DNAH6: variants seen among roughly 807,000 people sequenced by gnomAD.
DNAH6 encodes axonemal beta dynein heavy chain 6.
DNAH6 carries 340 observed loss-of-function variants against 491.4 expected under a neutral mutation model. The observed-to-expected ratio is 0.69, with a 90% CI of 0.63 to 0.76. The LOEUF is 0.76. DNAH6 is among the 30% of genes least tolerant of loss of function. DNAH6 has a pLI of 0.00. For synonymous variants in DNAH6, 1,603 were observed against 1,686.1 expected (o/e 0.95, Z 1.21); for missense variants, 4,443 against 4,972.2 (o/e 0.89, Z 3.20).
At chr2:84,782,923 A>G (rs1181728333) in intron 65 of DNAH6, among the ~76,000 whole-genome samples, 1 of 152,202 alleles carries the variant, frequency 6.6e-6, no homozygotes, top group Non-Finnish European at 1.5e-5. Context: ...AACATTTGCC[A>G]GTTCTTCAAG....
At chr2:84,644,539 A>G (rs1196199445) in intron 33 of DNAH6, among the ~76,000 whole-genome samples, 1 of 152,060 alleles carries the variant, frequency 6.6e-6, no homozygotes, top group African/African-American at 2.4e-5. Flanking sequence ...CCCATCACCC[A>G]GGCATTCAGC....
chr2:84,538,986 T>C (rs1383080451), intron 4 of DNAH6, among the ~76,000 whole-genome samples: 2 of 152,074 alleles, frequency 1.3e-5, no homozygotes, highest in African/African-American at 4.8e-5. Flanking sequence ...AAAAAAACTT[T>C]AGAATTAGGT....
intron 45 of DNAH6, among the ~76,000 whole-genome samples, chr2:84,689,981 C>A (rs1217461631): frequency 7.9e-5 from 12 of 152,214 alleles, no homozygotes; most frequent in Non-Finnish European, 1.6e-4. Context: ...CCACATCTTT[C>A]TTATTGCGTG....
chr2:84,514,401 T>A (rs1675452857), upstream of DNAH6, among the ~76,000 whole-genome samples: 1 of 152,204 alleles, frequency 6.6e-6, no homozygotes, highest in African/African-American at 2.4e-5. Flanking sequence ...TAATAATACC[T>A]CTAACATAAG....
chr2:84,602,885 G>A (rs1221759414), intron 18 of DNAH6, among the ~76,000 whole-genome samples: 1 of 144,794 alleles, frequency 6.9e-6, no homozygotes, highest in Non-Finnish European at 1.5e-5. Flanking sequence ...CATTCATTCC[G>A]TGGCTGTGTT....
chr2:84,544,174 A>C (rs1573560055), intron 4 of DNAH6, 59 bp from the exon 5 acceptor site: 1 of 906,378 alleles, frequency 1.1e-6, no homozygotes, highest in Non-Finnish European at 1.6e-6. Flanking sequence ...AAGCAATGCA[A>C]TTGCTTCATT....
intron 62 of DNAH6, 34 bp from the exon 63 acceptor site, chr2:84,745,046 T>C: frequency 7.5e-7 from 1 of 1,333,058 alleles, no homozygotes; most frequent in Non-Finnish European, 1.0e-6. Context: ...AAAACAAATC[T>C]AATTAAATTA....
In DNAH6 at chr2:84,653,710, G is replaced by A; in HGVS notation, c.5470G>A (p.Ala1824Thr). Residue 1824 changes from alanine to threonine, a missense_variant, in exon 34 of 77, where the codon GCT becomes ACT. Coordinates refer to ENST00000389394, the MANE Select transcript of DNAH6 (RefSeq NM_001370.2). The stretch of plus-strand genomic sequence containing the variant: ...TTTGATGGCACTAAGTGTCCGAGCA[G>A]CTGTGAATGATACTTCAGAAGACCA... ...DGLMALSVRAAVNDTSEDHKW... is the reference protein window; with the variant it reads ...DGLMALSVRATVNDTSEDHKW... 1 of 1,551,302 alleles carries A rather than the reference G, an allele frequency of 6.4e-7. No homozygotes were observed. The highest frequency in any genetic ancestry group is 8.7e-7 in the Non-Finnish European group (1 of 1,146,702).
chr2:84,634,559 A>G lies in DNAH6; in HGVS notation c.4571A>G (p.Asp1524Gly). ...CAGTCAGGGGCCTGGTGCTGCTTTGATGAATTTAATCGAATTGACATAGAA... is the reference window on the plus strand; with the variant it reads ...CAGTCAGGGGCCTGGTGCTGCTTTGGTGAATTTAATCGAATTGACATAGAA... ...LAQSGAWCCF[D>G]EFNRIDIEVL... The change falls in exon 30 of 77, where the codon GAT becomes GGT. Residue 1524 changes from aspartate (D) to glycine (G), a missense_variant. Physicochemically the swap from Asp to Gly is moderately conservative, Grantham distance 94. Coordinates refer to ENST00000389394, the MANE Select transcript of DNAH6 (RefSeq NM_001370.2). 8 of 1,550,518 alleles carry G rather than the reference A, an allele frequency of 5.2e-6. No individual in the cohort carries two copies. Among genetic ancestry groups the G allele is most frequent in the Non-Finnish European group, 7.0e-6 (8 of 1,146,468 alleles).
chr2:84,598,956 G>A (rs1012126224), intron 18 of DNAH6, among the ~76,000 whole-genome samples: 1 of 151,098 alleles, frequency 6.6e-6, no homozygotes, highest in African/African-American at 2.4e-5. Context: ...CTTGAACCTG[G>A]GAGGTGGAGG....
intron 37 of DNAH6, among the ~76,000 whole-genome samples, chr2:84,665,760 A>T (rs780546069): frequency 1.3e-5 from 2 of 152,228 alleles, no homozygotes; most frequent in Non-Finnish European, 2.9e-5. Context: ...TAAAGCCAGC[A>T]TCATCCTGAC....
At chr2:84,722,993 C>T (rs1390453931) in intron 60 of DNAH6, among the ~76,000 whole-genome samples, 189 bp downstream of exon 60, 1 of 152,034 alleles carries the variant, frequency 6.6e-6, no homozygotes, top group African/African-American at 2.4e-5. Flanking sequence ...TTTGGGAGGC[C>T]GAGGTGGGTG....
chr2:84,694,140 C>A, intron 45 of DNAH6, 109 bp from the exon 46 acceptor site: 2 of 909,050 alleles, frequency 2.2e-6, no homozygotes, highest in Non-Finnish European at 1.7e-6. Flanking sequence ...CAGCATCCTG[C>A]CCAGGGAGGA....
In DNAH6 at chr2:84,528,756, T is replaced by G. The variant is rs144795674; in HGVS notation, c.400-148T>G. 1.5e-4 allele frequency: 110 copies of G among 719,750 alleles called. 1 individual carries two copies. In the East Asian group the frequency reaches 2.7e-3, roughly 18 times the overall value. The allele number at this position is 719,750 out of a possible 1,614,324, so 44.6% of individuals were successfully genotyped here. On this transcript the variant is annotated intron_variant, in intron 3 of 76. Coordinates refer to ENST00000389394, the MANE Select transcript of DNAH6 (RefSeq NM_001370.2). ...GGAATATGACTGCCTAACAATAGTT[T>G]GAAAATTTTCAGTGCCAAAATGCTT...
intron 69 of DNAH6, 29 bp from the exon 70 acceptor site, chr2:84,797,508 A>G (rs1177028236): frequency 6.5e-7 from 1 of 1,545,326 alleles, no homozygotes; most frequent in South Asian, 1.2e-5. Context: ...TATTTGAGAC[A>G]TATTTGTCTT....
chr2:84,508,722 C>G, the DNAH6 span, among the ~76,000 whole-genome samples: 1 of 152,144 alleles, frequency 6.6e-6, no homozygotes, highest in East Asian at 1.9e-4. Context: ...AAATTTCCCT[C>G]TACACACTGC....
intron 64 of DNAH6, among the ~76,000 whole-genome samples, chr2:84,781,291 G>A (rs1452590656): frequency 6.6e-6 from 1 of 152,058 alleles, no homozygotes; most frequent in Admixed American, 6.6e-5. Context: ...TGTATATTCG[G>A]TTTTTGCACT....
intron 20 of DNAH6, 59 bp downstream of exon 20, chr2:84,605,651 A>G: frequency 9.0e-7 from 1 of 1,109,490 alleles, no homozygotes; most frequent in Non-Finnish European, 1.3e-6. Flanking sequence ...CTAGTCTTAA[A>G]TCTTCTGTGA....
the DNAH6 span, among the ~76,000 whole-genome samples, chr2:84,494,796 G>A: frequency 1.8e-4 from 28 of 152,266 alleles, no homozygotes; most frequent in African/African-American, 6.7e-4. Context: ...AGACTTACTG[G>A]ACACCAATTC....
Sources: gnomAD v4.1 joint callset for allele counts (sites outside exome capture counted in the v4.1 genomes callset) on GRCh38, gnomAD v4.1.1 for gene constraint, MANE v1.5 for transcripts, NCBI Gene and HGNC (gene_info 2026-07-23, HGNC 2026-07-21) for gene names.